TDRD12: variants seen among roughly 807,000 people sequenced by gnomAD.
TDRD12 encodes tudor domain containing 12, also known as putative ATP-dependent RNA helicase TDRD12.
In TDRD12, 158 loss-of-function variants were observed where a neutral mutation model predicts 133.5. The observed-to-expected ratio is 1.18, with a 90% CI of 1.04 to 1.35. The LOEUF is 1.35. TDRD12 is among the 40% of genes most tolerant of loss of function. The probability of loss-of-function intolerance (pLI) is 0.00; values close to 1 mark genes in which losing one functional copy is unlikely to be tolerated. For synonymous variants in TDRD12, 460 were observed against 477.9 expected (o/e 0.96, Z 0.49); for missense variants, 1,443 against 1,321.3 (o/e 1.09, Z -1.43).
At chr19:32,720,755 C>G (rs945818840) in intron 1 of TDRD12, among the ~76,000 whole-genome samples, 1 of 96,526 alleles carries the variant, frequency 1.0e-5, no homozygotes, top group Non-Finnish European at 2.1e-5. Flanking sequence ...TCTCCACTCC[C>G]ACCTGCACCC....
At chr19:32,784,525 C>T (rs1970852416) in intron 11 of TDRD12, among the ~76,000 whole-genome samples, 1 of 151,514 alleles carries the variant, frequency 6.6e-6, no homozygotes, top group African/African-American at 2.4e-5. Flanking sequence ...GAAGGATTCC[C>T]TCTTTTTCTG....
At chr19:32,735,601 CTAAA>C (rs763006676) in intron 2 of TDRD12, among the ~76,000 whole-genome samples, 7 of 152,200 alleles carry the variant, frequency 4.6e-5, no homozygotes, top group African/African-American at 7.2e-5. Flanking sequence ...AGTGGACACA[CTAAA>C]TAAGAGGTTT....
At chr19:32,816,162 T>C (rs1204195797) in intron 26 of TDRD12, among the ~76,000 whole-genome samples, 4 of 152,222 alleles carry the variant, frequency 2.6e-5, no homozygotes, top group African/African-American at 9.7e-5. Context: ...ATTTTACCTG[T>C]ATTTCTTACA....
intron 24 of TDRD12, among the ~76,000 whole-genome samples, chr19:32,812,334 T>G (rs1967035599): frequency 6.6e-6 from 1 of 152,148 alleles, no homozygotes; most frequent in Non-Finnish European, 1.5e-5. Context: ...TGAGTCGTGT[T>G]GATAAGCGCT....
At chr19:32,786,574 T>A (rs1289420089) in intron 11 of TDRD12, among the ~76,000 whole-genome samples, 1 of 152,206 alleles carries the variant, frequency 6.6e-6, no homozygotes, top group East Asian at 1.9e-4. Flanking sequence ...CAAACATAGA[T>A]TTGGTCTTTT....
At chr19:32,732,355 G>A (rs781411566) in intron 2 of TDRD12, among the ~76,000 whole-genome samples, 2 of 152,284 alleles carry the variant, frequency 1.3e-5, no homozygotes, top group Admixed American at 6.5e-5. Context: ...ATGGAAGGGG[G>A]TGGCCGCCAT....
At chr19:32,727,549 C>T (rs186194659) in intron 1 of TDRD12, among the ~76,000 whole-genome samples, 2 of 152,300 alleles carry the variant, frequency 1.3e-5, no homozygotes, top group Admixed American at 6.5e-5. Flanking sequence ...TCAAATCCAA[C>T]GTCACAAAGC....
intron 1 of TDRD12, among the ~76,000 whole-genome samples, chr19:32,730,364 G>A (rs539921187): frequency 1.8e-4 from 28 of 152,268 alleles, no homozygotes; most frequent in Non-Finnish European, 2.5e-4. Flanking sequence ...GGGAAAAGCC[G>A]TGTAAAAGTG....
chr19:32,752,730 G>T (rs1260196700), intron 6 of TDRD12, among the ~76,000 whole-genome samples: 1 of 150,950 alleles, frequency 6.6e-6, no homozygotes, highest in Non-Finnish European at 1.5e-5. Flanking sequence ...ACTCTCTGAT[G>T]CCACAATGTT....
chr19:32,750,540 C>T (rs186855417), intron 6 of TDRD12, among the ~76,000 whole-genome samples: 3 of 152,194 alleles, frequency 2.0e-5, no homozygotes, highest in Non-Finnish European at 4.4e-5. Context: ...TAGCACAAAA[C>T]CACAGTACAG....
rs755498074 is a variant in TDRD12, at chr19:32,739,715, A to G, written c.320+723A>G. 6.7e-3 allele frequency among the ~76,000 whole-genome samples: 337 copies of G among 50,350 alleles called. 2 individuals are homozygous for G. The highest frequency in any genetic ancestry group is 0.011 in the African/African-American group (138 of 12,488). The allele number at this position is 50,350 out of a possible 152,430, so 33.0% of individuals were successfully genotyped here. A position where few individuals can be genotyped will look rare whatever the true frequency, so the allele number is the denominator to read the frequency against. On this transcript the variant is annotated intron_variant, in intron 3 of 27. Coordinates refer to ENST00000444215, the Ensembl canonical transcript of TDRD12. The stretch of plus-strand genomic sequence containing the variant: ...TGGGTACTCTCTGCATCTCCTGGGT[A>G]CTCTCTGCATCTCCTGGGTGCTGTC...
chr19:32,820,622 C>G (rs1967347045), intron 27 of TDRD12, among the ~76,000 whole-genome samples: 1 of 152,080 alleles, frequency 6.6e-6, no homozygotes, highest in Admixed American at 6.6e-5. Flanking sequence ...GCAATAATTT[C>G]TTTTTTATGC....
chr19:32,826,197 T>C (rs767741575), downstream of TDRD12: 1 of 1,525,460 alleles, frequency 6.6e-7, no homozygotes, highest in Non-Finnish European at 8.8e-7. Context: ...CGGCGTCCCT[T>C]ACCCAGTTAA....
intron 23 of TDRD12, among the ~76,000 whole-genome samples, chr19:32,810,957 G>T (rs1966982389): frequency 6.6e-6 from 1 of 151,994 alleles, no homozygotes; most frequent in African/African-American, 2.4e-5. Flanking sequence ...ACTTTAATTT[G>T]CTATGTTAAT....
intron 27 of TDRD12, among the ~76,000 whole-genome samples, chr19:32,819,733 A>G (rs539624922): frequency 6.6e-6 from 1 of 152,332 alleles, no homozygotes; most frequent in South Asian, 2.1e-4. Context: ...TGACAGGTAG[A>G]GAGGGAATGG....
intron 4 of TDRD12, among the ~76,000 whole-genome samples, chr19:32,748,237 C>T (rs1568456954): frequency 6.6e-6 from 1 of 152,080 alleles, no homozygotes; most frequent in Admixed American, 6.5e-5. Flanking sequence ...AGGTTGGTCT[C>T]AGTGGGGCCT....
chr19:32,748,874 T>C (rs931960679), intron 5 of TDRD12, among the ~76,000 whole-genome samples: 2 of 152,278 alleles, frequency 1.3e-5, no homozygotes, highest in Non-Finnish European at 2.9e-5. Context: ...ATGAAAAACC[T>C]AGCATTTTTA....
chr19:32,803,587 G>C (rs1971461154), intron 21 of TDRD12, among the ~76,000 whole-genome samples: 1 of 152,162 alleles, frequency 6.6e-6, no homozygotes, highest in South Asian at 2.1e-4. Flanking sequence ...CATGTCTTTT[G>C]TGGAAATGTG....
intron 11 of TDRD12, among the ~76,000 whole-genome samples, chr19:32,783,929 C>T (rs969083076): frequency 6.6e-6 from 1 of 152,204 alleles, no homozygotes; most frequent in African/African-American, 2.4e-5. Flanking sequence ...TTGACTTCCT[C>T]TCTTCCTATT....
Sources: allele counts gnomAD v4.1 joint callset (sites outside exome capture counted in the v4.1 genomes callset), GRCh38; gene constraint gnomAD v4.1.1; transcripts MANE v1.5; gene names NCBI Gene and HGNC (gene_info 2026-07-23, HGNC 2026-07-21).